Variants in DLGAP2 observed in about 807,000 individuals in gnomAD.
DLGAP2 encodes DLG associated protein 2.
DLGAP2 carries 26 observed loss-of-function variants against 100.3 expected under a neutral mutation model. That is an observed-to-expected ratio of 0.26 (90% CI 0.19 to 0.36). The LOEUF (loss-of-function observed/expected upper bound fraction) is 0.36, where lower values mean the gene tolerates loss of function less well. DLGAP2 is among the 10% of genes least tolerant of loss of function. The pLI, the probability that DLGAP2 is intolerant of heterozygous loss-of-function variation, is 1.00. For synonymous variants in DLGAP2, 886 were observed against 630.1 expected (o/e 1.41, Z -6.08); for missense variants, 1,858 against 1,453.2 (o/e 1.28, Z -4.53).
intron 2 of DLGAP2, among the ~76,000 whole-genome samples, chr8:1,152,954 T>C (rs150095703): frequency 9.0e-4 from 137 of 152,326 alleles, no homozygotes; most frequent in African/African-American, 3.2e-3. Flanking sequence ...CAAACATTTT[T>C]CCTCTCTGAT....
chr8:1,075,677 G>A (rs184424592), intron 2 of DLGAP2, among the ~76,000 whole-genome samples: 2 of 152,240 alleles, frequency 1.3e-5, no homozygotes, highest in Admixed American at 1.3e-4. Context: ...GGTCCTTTGT[G>A]GAAGCAGGAG....
intron 2 of DLGAP2, among the ~76,000 whole-genome samples, chr8:950,835 A>C (rs1313619453): frequency 6.6e-6 from 1 of 151,906 alleles, no homozygotes; most frequent in African/African-American, 2.4e-5. Context: ...CATATTGGCC[A>C]GGCTGGTCTC....
chr8:842,522 C>T (rs1294933074), intron 1 of DLGAP2, among the ~76,000 whole-genome samples: 1 of 152,128 alleles, frequency 6.6e-6, no homozygotes, highest in African/African-American at 2.4e-5. Context: ...TATTATGTGC[C>T]TTGGTGGTCA....
At chr8:1,500,182 C>A (rs569856400) in intron 3 of DLGAP2, among the ~76,000 whole-genome samples, 2 of 152,374 alleles carry the variant, frequency 1.3e-5, no homozygotes, top group South Asian at 4.1e-4. Flanking sequence ...AACATGTTTA[C>A]ATGCACATGT....
intron 2 of DLGAP2, among the ~76,000 whole-genome samples, chr8:1,049,487 A>G (rs188252556): frequency 6.6e-4 from 101 of 152,174 alleles, no homozygotes; most frequent in Admixed American, 6.5e-3. Context: ...TTACCCTTTT[A>G]TCCTTTATTT....
At chr8:887,548 G>A (rs781088456) in intron 1 of DLGAP2, among the ~76,000 whole-genome samples, 6 of 152,160 alleles carry the variant, frequency 3.9e-5, no homozygotes, top group Non-Finnish European at 8.8e-5. Flanking sequence ...TCTTTCAGGA[G>A]CTCTTACAGG....
rs1021456971 is a variant in DLGAP2, at chr8:1,705,565, C to T, written c.*4159C>T. On this transcript the variant is annotated 3_prime_UTR_variant, in exon 15 of 15. Transcript: ENST00000637795. ...AAACAGCGCTGGTTCGGGGAGGGCC[C>T]CTGGATACTGCCTTTGGCCCACACT... 1.3e-5 allele frequency: 2 copies of T among 152,420 alleles called. No homozygotes were observed. The highest frequency in any genetic ancestry group is 3.9e-4 in the East Asian group (2 of 5,186). The allele number at this position is 152,420 out of a possible 1,614,324, so 9.4% of individuals were successfully genotyped here.
chr8:1,101,217 C>G (rs1300055328), intron 2 of DLGAP2, among the ~76,000 whole-genome samples: 1 of 152,094 alleles, frequency 6.6e-6, no homozygotes, highest in Non-Finnish European at 1.5e-5. Context: ...GAAGAACTGC[C>G]GAATGGAACT....
At chr8:1,190,455 C>T (rs549360146) in intron 2 of DLGAP2, among the ~76,000 whole-genome samples, 35 of 152,096 alleles carry the variant, frequency 2.3e-4, no homozygotes, top group Admixed American at 2.0e-3. Context: ...AGTCGCTCCC[C>T]TGTGACACTG....
In DLGAP2 at chr8:1,605,906, C is replaced by G. The variant is rs369189304; in HGVS notation, c.1443-20834C>G. Among the ~76,000 whole-genome samples, 68 of 152,332 alleles carry G rather than the reference C, an allele frequency of 4.5e-4. 1 individual carries two copies. The highest frequency in any genetic ancestry group is 1.6e-3 in the African/African-American group (65 of 41,574). On this transcript the variant is annotated intron_variant, in intron 6 of 14. Transcript: ENST00000637795. ...TTTGGAATCAGAAGGTCTTCAGGCT[C>G]AAATCTCAGCTCGAGCTCGTGCTGT...
intron 1 of DLGAP2, among the ~76,000 whole-genome samples, chr8:897,733 G>C (rs1042188253): frequency 2.0e-4 from 30 of 151,956 alleles, no homozygotes; most frequent in African/African-American, 7.2e-5. Context: ...CCTGAGTTTC[G>C]GGTGAGCCAG....
intron 3 of DLGAP2, among the ~76,000 whole-genome samples, chr8:1,435,710 T>C (rs955154985): frequency 1.2e-4 from 18 of 151,928 alleles, no homozygotes; most frequent in African/African-American, 3.9e-4. Flanking sequence ...AAGAAGGCAC[T>C]GTGGTCGTAG....
At chr8:1,491,601 G>A (rs1799391300) in intron 3 of DLGAP2, among the ~76,000 whole-genome samples, 1 of 152,212 alleles carries the variant, frequency 6.6e-6, no homozygotes, top group African/African-American at 2.4e-5. Flanking sequence ...AAGTATAGAT[G>A]GTAGTGCAGG....
At chr8:868,282 G>C (rs1290321393) in intron 1 of DLGAP2, among the ~76,000 whole-genome samples, 1 of 152,232 alleles carries the variant, frequency 6.6e-6, no homozygotes, top group Admixed American at 6.5e-5. Context: ...GTCAGCAGCT[G>C]TGGAGGTGTG....
chr8:1,342,251 T>G (rs1382995843), intron 3 of DLGAP2, among the ~76,000 whole-genome samples: 1 of 152,068 alleles, frequency 6.6e-6, no homozygotes, highest in Non-Finnish European at 1.5e-5. Flanking sequence ...CTGGCCAGGT[T>G]GTGAGGTTTT....
chr8:1,382,508 G>GGA (rs1784746509), intron 3 of DLGAP2, among the ~76,000 whole-genome samples: 1 of 152,230 alleles, frequency 6.6e-6, no homozygotes, highest in Non-Finnish European at 1.5e-5. Context: ...GGCAGGGGCA[G>GGA]GAGAATTGCT....
intron 3 of DLGAP2, among the ~76,000 whole-genome samples, chr8:1,387,776 G>A (rs1179288404): frequency 6.6e-6 from 1 of 152,212 alleles, no homozygotes; most frequent in Non-Finnish European, 1.5e-5. Context: ...CAGGAACCAG[G>A]TGGAGGGCCT....
chr8:1,314,344 A>AT (rs748861861), intron 3 of DLGAP2, among the ~76,000 whole-genome samples: 86 of 152,288 alleles, frequency 5.6e-4, no homozygotes, highest in Middle Eastern at 6.8e-3. Flanking sequence ...AACTGAAGTG[A>AT]TTTTGCCGTC....
chr8:1,454,693 G>A (rs1236871429), intron 3 of DLGAP2, among the ~76,000 whole-genome samples: 1 of 152,278 alleles, frequency 6.6e-6, no homozygotes, highest in African/African-American at 2.4e-5. Flanking sequence ...TTCTCTAAGG[G>A]AGTTCAGCTT....
Sources: gnomAD v4.1 joint callset for allele counts (sites outside exome capture counted in the v4.1 genomes callset) on GRCh38, gnomAD v4.1.1 for gene constraint, MANE v1.5 for transcripts, NCBI Gene and HGNC (gene_info 2026-07-23, HGNC 2026-07-21) for gene names.